ZNF276: variants seen among roughly 807,000 people sequenced by gnomAD.
ZNF276 encodes centromere protein Z.
Under a neutral mutation model 63.9 loss-of-function variants are expected in ZNF276, and 59 were observed. The observed-to-expected ratio is 0.92, with a 90% CI of 0.75 to 1.15. The LOEUF is 1.15. ZNF276 is among the 50% of genes most tolerant of loss of function. The probability of loss-of-function intolerance (pLI) is 0.00; values close to 1 mark genes in which losing one functional copy is unlikely to be tolerated. For synonymous variants in ZNF276, 496 were observed against 348.4 expected, an observed-to-expected ratio of 1.42 and a Z score of -4.72; for missense variants, 1,084 against 843.8, an observed-to-expected ratio of 1.28 and a Z score of -3.53.
In ZNF276 at chr16:89,739,787, T is replaced by C. The variant is rs1200079181; in HGVS notation, c.*1541T>C. The C allele has an allele frequency of 2.7e-6, 4 of 1,469,070 alleles. No homozygotes were observed. The highest frequency in any genetic ancestry group is 2.7e-6 in the Non-Finnish European group (3 of 1,114,138). The allele number at this position is 1,469,070 out of a possible 1,614,324, so 91.0% of individuals were successfully genotyped here. A position where few individuals can be genotyped will look rare whatever the true frequency, so the allele number is the denominator to read the frequency against. On this transcript the variant is annotated 3_prime_UTR_variant, in exon 11 of 11. Coordinates refer to ENST00000443381, the MANE Select transcript of ZNF276 (RefSeq NM_001113525.2). ...GTGCAGAGAGAGGCAGTCCCCATGA[T>C]AGGCCCATTGGTCCTGGGGTTGACC...
At chr16:89,729,902 G>C (rs2061590610) in intron 6 of ZNF276, among the ~76,000 whole-genome samples, 1 of 152,154 alleles carries the variant, frequency 6.6e-6, no homozygotes, top group Non-Finnish European at 1.5e-5. Flanking sequence ...AGTGAGGGCT[G>C]GTTTTCACTT....
rs1269183106 is a variant in ZNF276, at chr16:89,723,500, A to C, written c.797A>C (p.Glu266Ala). Residue 266 changes from glutamate to alanine, a missense_variant, in exon 4 of 11, where the codon GAG becomes GCG. Physicochemically the swap from Glu to Ala is moderately radical, Grantham distance 107. Transcript: ENST00000443381. Reference protein sequence around the residue: ...ALAVKWPWDKETAPRLPQHRG... With the variant: ...ALAVKWPWDKATAPRLPQHRG... ...GCAGTCAAGTGGCCATGGGACAAAG[A>C]GACGGCGCCACGGCTGCCCCAGCAC... 11 of 1,612,790 alleles carry C rather than the reference A, an allele frequency of 6.8e-6. No individual in the cohort carries two copies. Among genetic ancestry groups the C allele is most frequent in the Non-Finnish European group, 9.3e-6 (11 of 1,180,006 alleles).
rs1345499774 is a variant in ZNF276, at chr16:89,721,555, C to T, written c.-86C>T. On this transcript the variant is annotated 5_prime_UTR_variant, in exon 1 of 11. Coordinates refer to ENST00000443381, the MANE Select transcript of ZNF276 (RefSeq NM_001113525.2). ...CTCCCCCGCCCCGCCTCGCTTCCAGCGCGCCGAGCGGAGCCTAACGCCGGG... is the reference window on the plus strand; with the variant it reads ...CTCCCCCGCCCCGCCTCGCTTCCAGTGCGCCGAGCGGAGCCTAACGCCGGG... 4 of 1,326,554 alleles carry T rather than the reference C, an allele frequency of 3.0e-6. No individual in the cohort carries two copies. The highest frequency in any genetic ancestry group is 3.0e-5 in the Admixed American group (1 of 32,834). The allele number at this position is 1,326,554 out of a possible 1,614,324, so 82.2% of individuals were successfully genotyped here. A position where few individuals can be genotyped will look rare whatever the true frequency, so the allele number is the denominator to read the frequency against.
intron 2 of ZNF276, 140 bp downstream of exon 2, chr16:89,722,974 C>G: frequency 6.4e-7 from 1 of 1,566,206 alleles, no homozygotes; most frequent in East Asian, 2.3e-5. Flanking sequence ...GCCAACAGCC[C>G]TGGGACTGTT....
intron 9 of ZNF276, among the ~76,000 whole-genome samples, chr16:89,736,272 C>G (rs1266592161): frequency 1.3e-5 from 2 of 151,930 alleles, no homozygotes; most frequent in Admixed American, 6.5e-5. Flanking sequence ...GGTGATTTGC[C>G]TGCCTTGGCC....
intron 6 of ZNF276, chr16:89,731,718 T>G (rs1308796274): frequency 6.6e-6 from 1 of 152,276 alleles, no homozygotes; most frequent in African/African-American, 2.4e-5. Flanking sequence ...GCCACTGGAC[T>G]CGGCAGTGTA....
intron 5 of ZNF276, among the ~76,000 whole-genome samples, chr16:89,727,870 G>T (rs1163182248): frequency 6.6e-6 from 1 of 152,242 alleles, no homozygotes; most frequent in Non-Finnish European, 1.5e-5. Flanking sequence ...CCGAGGCTCT[G>T]CGAGGAGGTG....
intron 5 of ZNF276, among the ~76,000 whole-genome samples, chr16:89,727,615 C>T (rs1021333626): frequency 6.6e-6 from 1 of 152,170 alleles, no homozygotes; most frequent in African/African-American, 2.4e-5. Context: ...TCCGAGGCTT[C>T]TTGTCTCTGA....
intron 9 of ZNF276, chr16:89,737,505 A>AGC (rs2061973100): frequency 5.0e-6 from 2 of 398,696 alleles, no homozygotes; most frequent in Non-Finnish European, 9.1e-6. Context: ...TGGGTAACAG[A>AGC]GCGAAACTCC....
At chr16:89,724,613 C>T (rs1199231675) in intron 4 of ZNF276, among the ~76,000 whole-genome samples, 4 of 152,192 alleles carry the variant, frequency 2.6e-5, no homozygotes, top group Non-Finnish European at 5.9e-5. Context: ...CACAACCGTA[C>T]TCCAGCCTGG....
chr16:89,728,202 CTTTTTTT>C (rs71389418), intron 5 of ZNF276, among the ~76,000 whole-genome samples: 2 of 124,880 alleles, frequency 1.6e-5, no homozygotes, highest in South Asian at 2.7e-4. Flanking sequence ...GGCCACAAAT[CTTTTTTT>C]TTTTTTTTTT....
At position 89,723,648 on chromosome 16, in the gene ZNF276, C is replaced by A. The variant is rs771288582; in HGVS notation, c.945C>A (p.Asp315Glu). 23 of 1,612,492 alleles carry A rather than the reference C, an allele frequency of 1.4e-5. No individual in the cohort carries two copies. Among genetic ancestry groups the A allele is most frequent in the Non-Finnish European group, 1.9e-5 (23 of 1,180,006 alleles). Residue 315 changes from aspartate to glutamate, a missense_variant, in exon 4 of 11, where the codon GAC (aspartate) becomes GAA (glutamate). By Grantham distance (45) the Asp-to-Glu change is conservative. Coordinates refer to ENST00000443381, the MANE Select transcript of ZNF276 (RefSeq NM_001113525.2). ...TDVAQPPSDS[D>E]AVGPRSGFPP... ...TGGCCCAGCCTCCTTCGGACAGCGACGCGGTGGGGCCCAGGTCGGGCTTCC... is the reference window on the plus strand; with the variant it reads ...TGGCCCAGCCTCCTTCGGACAGCGAAGCGGTGGGGCCCAGGTCGGGCTTCC...
At chr16:89,733,787 G>T in intron 8 of ZNF276, 134 bp from the exon 9 acceptor site, 1 of 919,748 alleles carries the variant, frequency 1.1e-6, no homozygotes. Context: ...GAGTGAAGCT[G>T]TGAAGGAGCC....
upstream of ZNF276, chr16:89,721,170 C>G (rs1487049162): frequency 4.0e-6 from 1 of 252,900 alleles, no homozygotes; most frequent in Non-Finnish European, 7.5e-6. Context: ...CCAGGCCCCT[C>G]TCTACGTGAG....
Position 89,738,440 on chromosome 16 carries a change from A to G in ZNF276, c.*194A>G, listed in dbSNP as rs923490846. 3.4e-5 allele frequency: 47 copies of G among 1,384,798 alleles called. No homozygotes were observed. Among genetic ancestry groups the G allele is most frequent in the Non-Finnish European group, 4.5e-5 (46 of 1,012,974 alleles). 85.8% of individuals were successfully genotyped at this position (1,384,798 alleles called of 1,614,324 possible). ...GTGGTTTATTTTCCCGCAAACGCTG[A>G]GTGACTCGGGGCCGGACAGTTCATA... On this transcript the variant is annotated 3_prime_UTR_variant, in exon 11 of 11. Coordinates refer to ENST00000443381, the MANE Select transcript of ZNF276 (RefSeq NM_001113525.2).
upstream of ZNF276, chr16:89,720,877 A>C (rs1427988106): frequency 7.4e-7 from 1 of 1,349,056 alleles, no homozygotes. Context: ...CGAGCGGGGG[A>C]GGCGGCGGCG....
chr16:89,739,332 A>G lies in ZNF276; in HGVS notation c.*1086A>G. On this transcript the variant is annotated 3_prime_UTR_variant, in exon 11 of 11. Transcript: ENST00000443381. ...GTGACAAATGGCTACAGACTGCTGG[A>G]AAGGTAGCAGGTGATGCCAAGGGAT... is the stretch of plus-strand genomic sequence containing the variant. 6.2e-7 allele frequency: 1 copy of G among 1,612,222 alleles called. No individual in the cohort carries two copies. Among genetic ancestry groups the G allele is most frequent in the Non-Finnish European group, 8.5e-7 (1 of 1,178,574 alleles).
At position 89,738,189 on chromosome 16, in the gene ZNF276, G is replaced by C. The variant is rs201151160; in HGVS notation, c.1788G>C (p.Gly596=). 9 of 1,611,440 alleles carry C rather than the reference G, an allele frequency of 5.6e-6. No homozygotes were observed. The highest frequency in any genetic ancestry group is 7.6e-6 in the Non-Finnish European group (9 of 1,179,280). The change falls in exon 11 of 11, where the codon GGG becomes GGC. Residue 596 remains glycine (G), a synonymous_variant. Transcript: ENST00000443381. The part of the protein sequence containing the change: ...ALPLEAEPPP[G]PPSPSVTTEG... ...CCCTGGAGGCGGAACCACCACCTGG[G>C]CCACCGAGCCCCTCTGTGACCACAG...
Position 89,733,553 on chromosome 16 carries a change from TGAA to T in ZNF276, c.1354_1356del (p.Lys453del). The T allele has an allele frequency of 6.2e-7, 1 of 1,613,938 alleles. No individual in the cohort carries two copies. The highest frequency in any genetic ancestry group is 8.5e-7 in the Non-Finnish European group (1 of 1,180,034). On this transcript the variant is annotated inframe_deletion and splice_region_variant, in exon 8 of 11. Transcript: ENST00000443381. Reference sequence around the variant, plus strand: ...GCCGTGTACCGAGGCGCTGACGGCATGAAGGTGAGCACTGGCTGTGCCTGACCC... The same window carrying T: ...GCCGTGTACCGAGGCGCTGACGGCATGGTGAGCACTGGCTGTGCCTGACCC...
Sources: gnomAD v4.1 joint callset for allele counts (sites outside exome capture counted in the v4.1 genomes callset) on GRCh38, gnomAD v4.1.1 for gene constraint, MANE v1.5 for transcripts, NCBI Gene and HGNC (gene_info 2026-07-23, HGNC 2026-07-21) for gene names.